DGKI: variants seen among roughly 807,000 people sequenced by gnomAD.
DGKI encodes DAG kinase iota.
A neutral mutation model predicts 147.5 loss-of-function variants in DGKI; 55 were observed. That is an observed-to-expected ratio of 0.37 (90% CI 0.30 to 0.47). The LOEUF (loss-of-function observed/expected upper bound fraction) is 0.47. Among genes scored for constraint, DGKI ranks in the 20% least tolerant of loss-of-function variants. The pLI, the probability that DGKI is intolerant of heterozygous loss-of-function variation, is 1.00. For missense variants in DGKI, 1,007 were observed against 1,323.8 expected, an observed-to-expected ratio of 0.76 and a Z score of 3.71; for synonymous variants, 469 against 477.1, an observed-to-expected ratio of 0.98 and a Z score of 0.22.
At chr7:137,579,449 A>AG (rs1157512233) in intron 15 of DGKI, among the ~76,000 whole-genome samples, 2 of 151,178 alleles carry the variant, frequency 1.3e-5, no homozygotes, top group South Asian at 2.1e-4. Flanking sequence ...AAAAAAAAAA[A>AG]AAGAAAGAAA....
At chr7:137,814,655 A>G (rs1324953516) in intron 1 of DGKI, among the ~76,000 whole-genome samples, 1 of 152,172 alleles carries the variant, frequency 6.6e-6, no homozygotes, top group Admixed American at 6.5e-5. Context: ...AAATAACCTC[A>G]GAGACTTGAG....
At chr7:137,522,811 G>A (rs1361585773) in intron 20 of DGKI, among the ~76,000 whole-genome samples, 2 of 152,068 alleles carry the variant, frequency 1.3e-5, no homozygotes, top group African/African-American at 2.4e-5. Flanking sequence ...TCACCACCAC[G>A]ATGGGTCAAT....
intron 12 of DGKI, among the ~76,000 whole-genome samples, chr7:137,596,243 T>C (rs1468207678): frequency 6.6e-6 from 1 of 151,958 alleles, no homozygotes; most frequent in Non-Finnish European, 1.5e-5. Flanking sequence ...TTTTTGTCAC[T>C]GAGGTTTAGA....
intron 1 of DGKI, among the ~76,000 whole-genome samples, chr7:137,697,941 G>GCTAT (rs991878795): frequency 4.6e-5 from 7 of 151,106 alleles, no homozygotes; most frequent in Admixed American, 3.3e-4. Context: ...TGTATATATA[G>GCTAT]CTATCTATCT....
At chr7:137,576,191 C>G (rs1321581402) in intron 17 of DGKI, among the ~76,000 whole-genome samples, 1 of 151,860 alleles carries the variant, frequency 6.6e-6, no homozygotes, top group East Asian at 1.9e-4. Context: ...GCACATGCCA[C>G]CACGCCTGCC....
chr7:137,746,830 T>C (rs1316906706), intron 1 of DGKI, among the ~76,000 whole-genome samples: 2 of 152,110 alleles, frequency 1.3e-5, no homozygotes, highest in Non-Finnish European at 2.9e-5. Flanking sequence ...CTCAGCCTTA[T>C]CGTGTCCTGA....
intron 8 of DGKI, among the ~76,000 whole-genome samples, chr7:137,611,896 C>T (rs1452786435): frequency 3.3e-5 from 5 of 152,196 alleles, no homozygotes; most frequent in African/African-American, 9.6e-5. Context: ...GAAGTGAATG[C>T]TTGCCTCCTA....
intron 24 of DGKI, 34 bp downstream of exon 24, chr7:137,469,516 C>G (rs773719263): frequency 6.2e-7 from 1 of 1,610,924 alleles, no homozygotes; most frequent in Non-Finnish European, 8.5e-7. Flanking sequence ...ACTTCCCCAA[C>G]TCCCACGATA....
At chr7:137,590,531 T>A (rs1405554095) in intron 12 of DGKI, among the ~76,000 whole-genome samples, 1 of 152,222 alleles carries the variant, frequency 6.6e-6, no homozygotes, top group Admixed American at 6.5e-5. Flanking sequence ...CCTGTGAAGA[T>A]GAGCTTGCAA....
chr7:137,727,544 C>T (rs901316854), intron 1 of DGKI, among the ~76,000 whole-genome samples: 1 of 152,086 alleles, frequency 6.6e-6, no homozygotes, highest in Non-Finnish European at 1.5e-5. Context: ...TTTCTCCATC[C>T]CCTCTGTAGG....
rs184521012 is a variant in DGKI, at chr7:137,788,249, C to T, written c.401+58213G>A. Among the ~76,000 whole-genome samples, 247 of 152,150 alleles carry T rather than the reference C, an allele frequency of 1.6e-3. 2 individuals carry two copies. Among genetic ancestry groups the T allele is most frequent in the African/African-American group, 5.6e-3 (232 of 41,520 alleles). ...CCACACTTCTTGTCAGTTCTGGAGC[C>T]ACATTTCCAGCTGCCTACTGGACGG... On this transcript the variant is annotated intron_variant, in intron 1 of 32. Transcript: ENST00000614521.
At chr7:137,799,727 T>C (rs1289558012) in intron 1 of DGKI, among the ~76,000 whole-genome samples, 4 of 152,160 alleles carry the variant, frequency 2.6e-5, no homozygotes, top group African/African-American at 9.7e-5. Flanking sequence ...CATCTACCAA[T>C]CAAAGGAATG....
chr7:137,507,980 C>A (rs896889776), intron 21 of DGKI, among the ~76,000 whole-genome samples: 1 of 151,916 alleles, frequency 6.6e-6, no homozygotes, highest in African/African-American at 2.4e-5. Flanking sequence ...CTCTAAGGAA[C>A]CACAGCATGA....
intron 23 of DGKI, among the ~76,000 whole-genome samples, chr7:137,478,034 T>C (rs1327577835): frequency 3.3e-5 from 5 of 152,134 alleles, no homozygotes; most frequent in African/African-American, 9.7e-5. Context: ...TGTATAAATG[T>C]AGGAAAACAA....
At chr7:137,672,873 T>C (rs1476943059) in intron 3 of DGKI, among the ~76,000 whole-genome samples, 1 of 146,280 alleles carries the variant, frequency 6.8e-6, no homozygotes, top group African/African-American at 2.5e-5. Context: ...CTCCGCCTCC[T>C]GGGTTCAAGC....
rs1403018270 is a variant in DGKI at position 137,383,335 on chromosome 7, T to C, written c.*7885A>G. On this transcript the variant is annotated 3_prime_UTR_variant, in exon 33 of 33. Coordinates refer to ENST00000614521, the MANE Select transcript of DGKI (RefSeq NM_001321708.2). Reference sequence around the variant, plus strand: ...ATGTTTCTACTAAAGCATAGGTGTGTTTGTGTAAGCAAGGCAACTTTTTAG... The same window carrying C: ...ATGTTTCTACTAAAGCATAGGTGTGCTTGTGTAAGCAAGGCAACTTTTTAG... 3 of 151,756 alleles carry C rather than the reference T, an allele frequency of 2.0e-5. No individual in the cohort carries two copies. Among genetic ancestry groups the C allele is most frequent in the Non-Finnish European group, 4.4e-5 (3 of 67,856 alleles). The allele number at this position is 151,756 out of a possible 1,614,324, so 9.4% of individuals were successfully genotyped here.
intron 3 of DGKI, among the ~76,000 whole-genome samples, chr7:137,665,261 A>C (rs1193874186): frequency 1.3e-5 from 2 of 152,324 alleles, no homozygotes; most frequent in East Asian, 1.9e-4. Context: ...AACAAAAAGG[A>C]AAGGCAGAGG....
chr7:137,841,732 T>G (rs1563222565), intron 1 of DGKI, among the ~76,000 whole-genome samples: 1 of 152,132 alleles, frequency 6.6e-6, no homozygotes. Context: ...ACATACAGGG[T>G]GTAGACAGCC....
At chr7:137,716,964 C>T (rs1416292895) in intron 1 of DGKI, among the ~76,000 whole-genome samples, 1 of 152,200 alleles carries the variant, frequency 6.6e-6, no homozygotes, top group East Asian at 1.9e-4. Flanking sequence ...TCACCAGTAA[C>T]CTTACTCTCT....
Sources: allele counts gnomAD v4.1 joint callset (sites outside exome capture counted in the v4.1 genomes callset), GRCh38; gene constraint gnomAD v4.1.1; transcripts MANE v1.5; gene names NCBI Gene and HGNC (gene_info 2026-07-23, HGNC 2026-07-21).